XRCC4: variants seen among roughly 807,000 people sequenced by gnomAD.
XRCC4 encodes the protein DNA repair protein XRCC4.
In XRCC4, 28 loss-of-function variants were observed where a neutral mutation model predicts 39.1. The ratio of observed to expected loss-of-function variants is 0.72; its 90% CI spans 0.53 to 0.98. The LOEUF (loss-of-function observed/expected upper bound fraction) is 0.98, where lower values mean the gene tolerates loss of function less well. Among genes scored for constraint, XRCC4 ranks in the 50% least tolerant of loss-of-function variants. XRCC4 has a pLI of 0.00. For missense variants in XRCC4, 350 were observed against 376.4 expected (o/e 0.93, Z 0.58); for synonymous variants, 123 against 126.4 (o/e 0.97, Z 0.18).
At chr5:83,278,621 T>G (rs181118843) in intron 7 of XRCC4, among the ~76,000 whole-genome samples, 1 of 152,194 alleles carries the variant, frequency 6.6e-6, no homozygotes, top group African/African-American at 2.4e-5. Context: ...GCCCCTTTTT[T>G]AACTGTACAA....
chr5:83,241,994 G>A (rs1357684493), intron 6 of XRCC4, among the ~76,000 whole-genome samples: 1 of 151,724 alleles, frequency 6.6e-6, no homozygotes, highest in Admixed American at 6.6e-5. Flanking sequence ...CGGAAGGGTT[G>A]GTCTTGCTGT....
chr5:83,252,861 A>AC (rs1753378803), intron 6 of XRCC4, among the ~76,000 whole-genome samples: 1 of 152,162 alleles, frequency 6.6e-6, no homozygotes, highest in Non-Finnish European at 1.5e-5. Context: ...TCCAGTCTTT[A>AC]TATTTATCTT....
intron 1 of XRCC4, among the ~76,000 whole-genome samples, chr5:83,089,279 A>G (rs942523735): frequency 2.6e-5 from 4 of 152,224 alleles, no homozygotes; most frequent in Non-Finnish European, 4.4e-5. Context: ...TCTATCAGCC[A>G]CTAGGTGAGC....
rs776362814 is a variant in XRCC4 at position 83,111,087 on chromosome 5, G to A, written c.199G>A (p.Val67Ile). The A allele has an allele frequency of 5.0e-6, 8 of 1,612,226 alleles. No homozygotes were observed. The highest frequency in any genetic ancestry group is 1.3e-5 in the African/African-American group (1 of 74,924). The change falls in exon 3 of 8, where the codon GTT (valine) becomes ATT (isoleucine). Residue 67 changes from valine (V) to isoleucine (I), a missense_variant. By Grantham distance (29) the Val-to-Ile change is conservative. Transcript: ENST00000396027. The part of the protein sequence containing the change: ...DDMAMEKGKY[V>I]GELRKALLSG... ...CATGGCAATGGAAAAAGGGAAATATGTTGGTGAACTGAGAAAAGCATTGTT... is the reference window on the plus strand; with the variant it reads ...CATGGCAATGGAAAAAGGGAAATATATTGGTGAACTGAGAAAAGCATTGTT...
chr5:83,144,596 C>G (rs1345589655), intron 3 of XRCC4, among the ~76,000 whole-genome samples: 1 of 111,674 alleles, frequency 9.0e-6, no homozygotes, highest in Non-Finnish European at 1.6e-5. Flanking sequence ...CTTCTTGAAT[C>G]TATGAATGTA....
intron 7 of XRCC4, among the ~76,000 whole-genome samples, chr5:83,300,022 G>A (rs1211110042): frequency 6.6e-6 from 1 of 152,134 alleles, no homozygotes; most frequent in Non-Finnish European, 1.5e-5. Flanking sequence ...TGTTTTTCCT[G>A]AAAAATATTT....
At chr5:83,371,415 T>C in the XRCC4 span, among the ~76,000 whole-genome samples, 1 of 152,170 alleles carries the variant, frequency 6.6e-6, no homozygotes, top group Admixed American at 6.6e-5. Flanking sequence ...CCATTCCTTG[T>C]ACCCAGAGCA....
intron 7 of XRCC4, among the ~76,000 whole-genome samples, chr5:83,331,562 T>C (rs1204705247): frequency 6.6e-6 from 1 of 152,072 alleles, no homozygotes; most frequent in Non-Finnish European, 1.5e-5. Flanking sequence ...AGAAAATCTA[T>C]GTATATGGAG....
In XRCC4 at chr5:83,280,582, G is replaced by A. The variant is rs980453184; in HGVS notation, c.893+21905G>A. ...AGCCCACACTCCGACCACTGTAGCC[G>A]ACTTCAGATGGCATCCCAAGACCAC... On this transcript the variant is annotated intron_variant, in intron 7 of 7. Transcript: ENST00000396027. 2.9e-5 allele frequency: 13 copies of A among 453,788 alleles called. No individual in the cohort carries two copies. The East Asian group carries it at 4.0e-4, about 14-fold the overall frequency. The allele number at this position is 453,788 out of a possible 1,614,324, so 28.1% of individuals were successfully genotyped here.
At chr5:83,365,685 C>T in the XRCC4 span, among the ~76,000 whole-genome samples, 1 of 152,090 alleles carries the variant, frequency 6.6e-6, no homozygotes, top group African/African-American at 2.4e-5. Context: ...AAAAATCATC[C>T]CCTAGATTCA....
chr5:83,290,017 T>G (rs911159261), intron 7 of XRCC4, among the ~76,000 whole-genome samples: 2 of 151,802 alleles, frequency 1.3e-5, no homozygotes, highest in African/African-American at 4.8e-5. Context: ...ACATTAAGTC[T>G]CCAGCAGTTC....
chr5:83,261,304 G>C (rs1332375321), intron 7 of XRCC4, among the ~76,000 whole-genome samples: 1 of 151,868 alleles, frequency 6.6e-6, no homozygotes, highest in Non-Finnish European at 1.5e-5. Flanking sequence ...CCTTCCTGAA[G>C]CATGATTTTT....
chr5:83,237,814 C>CT (rs961778013), intron 6 of XRCC4, among the ~76,000 whole-genome samples: 10 of 151,570 alleles, frequency 6.6e-5, no homozygotes, highest in Middle Eastern at 3.2e-3. Context: ...ATTGTGTGCT[C>CT]TTTTTTTTAC....
chr5:83,086,343 C>G (rs1745179781), intron 1 of XRCC4, among the ~76,000 whole-genome samples: 2 of 152,068 alleles, frequency 1.3e-5, no homozygotes. Flanking sequence ...TATTGTTGAC[C>G]AGAAGCCTCA....
At chr5:83,162,131 C>T (rs1267899292) in intron 3 of XRCC4, among the ~76,000 whole-genome samples, 1 of 152,098 alleles carries the variant, frequency 6.6e-6, no homozygotes, top group Non-Finnish European at 1.5e-5. Flanking sequence ...AAAGCCACTG[C>T]ACTCCAGCCT....
At chr5:83,324,410 T>C (rs1756178697) in intron 7 of XRCC4, among the ~76,000 whole-genome samples, 1 of 152,130 alleles carries the variant, frequency 6.6e-6, no homozygotes, top group African/African-American at 2.4e-5. Flanking sequence ...CCTGTTTGTT[T>C]TTATCAGTGG....
chr5:83,344,244 AT>A (rs1162299505), intron 7 of XRCC4, among the ~76,000 whole-genome samples: 5 of 150,726 alleles, frequency 3.3e-5, no homozygotes, highest in South Asian at 2.1e-4. Flanking sequence ...AAATGTGTGT[AT>A]TTTTTTTAAG....
chr5:83,359,719 T>C, the XRCC4 span, among the ~76,000 whole-genome samples: 2 of 152,168 alleles, frequency 1.3e-5, no homozygotes, highest in African/African-American at 4.8e-5. Context: ...TTTCAATTAA[T>C]TTCCATTAGC....
intron 7 of XRCC4, among the ~76,000 whole-genome samples, chr5:83,278,412 C>T (rs1353564367): frequency 1.3e-5 from 2 of 151,984 alleles, no homozygotes; most frequent in African/African-American, 4.8e-5. Context: ...AATAAAACAC[C>T]ACAGTCTGGG....
Sources: gnomAD v4.1 joint callset for allele counts (sites outside exome capture counted in the v4.1 genomes callset) on GRCh38, gnomAD v4.1.1 for gene constraint, MANE v1.5 for transcripts, NCBI Gene and HGNC (gene_info 2026-07-23, HGNC 2026-07-21) for gene names.